INO80D: variants seen among roughly 807,000 people sequenced by gnomAD.
INO80D encodes the protein INO80 complex subunit D.
A neutral mutation model predicts 87.6 loss-of-function variants in INO80D; 21 were observed. That is an observed-to-expected ratio of 0.24 (90% CI 0.17 to 0.35). INO80D has a LOEUF of 0.35. Ranked by LOEUF, INO80D falls within the 10% of genes least tolerant of loss-of-function variation. The pLI is 1.00. For missense variants in INO80D, 982 were observed against 1,280.7 expected (o/e 0.77, Z 3.56); for synonymous variants, 440 against 491.0 (o/e 0.90, Z 1.37).
chr2:206,044,986 A>G (rs751928081), intron 5 of INO80D, among the ~76,000 whole-genome samples: 2 of 152,220 alleles, frequency 1.3e-5, no homozygotes, highest in African/African-American at 2.4e-5. Flanking sequence ...TGAATGACAT[A>G]TAAAATGGAA....
intron 8 of INO80D, among the ~76,000 whole-genome samples, chr2:206,013,659 T>C (rs1401161636): frequency 6.6e-6 from 1 of 151,996 alleles, no homozygotes; most frequent in African/African-American, 2.4e-5. Flanking sequence ...TTCCTCAGTA[T>C]CTTAGAAGTA....
chr2:206,036,897 GAC>G (rs1251662343), intron 5 of INO80D, among the ~76,000 whole-genome samples: 11 of 152,220 alleles, frequency 7.2e-5, no homozygotes, highest in African/African-American at 2.6e-4. Flanking sequence ...TTTGCAGACT[GAC>G]ACAGGTCCAC....
intron 5 of INO80D, among the ~76,000 whole-genome samples, chr2:206,033,205 TTAAAG>T (rs1446497773): frequency 2.0e-5 from 3 of 151,896 alleles, no homozygotes; most frequent in Non-Finnish European, 4.4e-5. Flanking sequence ...AAAACAAACT[TTAAAG>T]TAACAGCAGT....
intron 8 of INO80D, among the ~76,000 whole-genome samples, chr2:206,010,059 G>A (rs534985675): frequency 8.4e-6 from 1 of 118,494 alleles, no homozygotes; most frequent in South Asian, 2.5e-4. Context: ...AGTTGACACT[G>A]TCTACACACA....
chr2:206,061,485 C>G (rs148016615), intron 3 of INO80D, among the ~76,000 whole-genome samples: 1 of 152,138 alleles, frequency 6.6e-6, no homozygotes, highest in African/African-American at 2.4e-5. Context: ...TAAAAAAAGG[C>G]AGGGTAAGAA....
chr2:206,056,491 G>C lies in INO80D; in HGVS notation c.671C>G (p.Pro224Arg). 6.2e-7 allele frequency: 1 copy of C among 1,613,880 alleles called. No individual in the cohort carries two copies. The highest frequency in any genetic ancestry group is 8.5e-7 in the Non-Finnish European group (1 of 1,179,854). ...TGACTTGCAGACTGAACCCTGCGGT[G>C]GCGCTGGAGGTTTTAAAGAAGTAGA... Reference protein sequence around the residue: ...PLSTSLKPPAPPQGSVCKSPQ... With the variant: ...PLSTSLKPPARPQGSVCKSPQ... The change falls in exon 4 of 11, where the codon CCA becomes CGA. Residue 224 changes from proline (P) to arginine (R), a missense_variant. Coordinates refer to ENST00000403263, the MANE Select transcript of INO80D (RefSeq NM_017759.5).
rs757981222 is a variant in INO80D, at chr2:206,056,395, C to T, written c.767G>A (p.Arg256Gln). 1.1e-5 allele frequency: 18 copies of T among 1,613,572 alleles called. No individual in the cohort carries two copies. Among genetic ancestry groups the T allele is most frequent in the East Asian group, 4.5e-5 (2 of 44,888 alleles). Residue 256 changes from arginine (R) to glutamine (Q), a missense_variant, in exon 4 of 11, where the codon CGG becomes CAG. Coordinates refer to ENST00000403263, the MANE Select transcript of INO80D (RefSeq NM_017759.5). The part of the protein sequence containing the change: ...APTTHTIAQA[R>Q]QLSHKRPLPL... ...CAGAGGCCTCTTGTGAGACAACTGC[C>T]GTGCTTGTGCTATAGTGTGTGTGGT...
Position 206,085,247 on chromosome 2 carries a change from C to T in INO80D, c.-124+654G>A, listed in dbSNP as rs1171942509. ...CCACCCGACCCCACGCCCGCCAGGC[C>T]GCCCGCCCCGCCCCGCCCCGGCCTG... On this transcript the variant is annotated intron_variant, in intron 1 of 10. Transcript: ENST00000403263. This position sits in a 1 kb window ranked among gnomAD's most constrained non-coding sequence, Gnocchi z 4.5. 6.6e-6 allele frequency among the ~76,000 whole-genome samples: 1 copy of T among 151,988 alleles called. No individual in the cohort carries two copies. The highest frequency in any genetic ancestry group is 2.4e-5 in the African/African-American group (1 of 41,426).
At chr2:206,035,994 T>TTGCAAATTTGATTTGCAGGGAAA (rs1467119847) in intron 5 of INO80D, among the ~76,000 whole-genome samples, 3 of 152,024 alleles carry the variant, frequency 2.0e-5, no homozygotes, top group Admixed American at 6.6e-5. Flanking sequence ...ACATCACTAA[T>TTGCAAATTTGATTTGCAGGGAAA]TGCAAATTTG....
At position 206,056,230 on chromosome 2, in the gene INO80D, T is replaced by C. The variant is rs772096388; in HGVS notation, c.932A>G (p.His311Arg). The stretch of plus-strand genomic sequence containing the variant: ...GGGAAACAGATCAGTGTCCAACTGA[T>C]GTTTCTGGGTGCACAGTTTCACCAG... ...QRLVKLCTQK[H>R]QLDTDLFPHL... The change falls in exon 4 of 11, where the codon CAT (histidine) becomes CGT (arginine). Residue 311 changes from histidine (H) to arginine (R), a missense_variant. By Grantham distance (29) the His-to-Arg change is conservative. Transcript: ENST00000403263. 30 of 1,603,362 alleles carry C rather than the reference T, an allele frequency of 1.9e-5. 1 individual carries two copies. In the Admixed American group the frequency reaches 2.6e-4, roughly 14 times the overall value.
chr2:206,007,169 A>G (rs1688048945), intron 10 of INO80D, 115 bp downstream of exon 10: 3 of 844,742 alleles, frequency 3.6e-6, no homozygotes, highest in South Asian at 1.7e-5. Context: ...TCCTATCTAC[A>G]GTGAAAGACA....
chr2:206,053,149 G>A (rs995063802), intron 4 of INO80D, among the ~76,000 whole-genome samples: 9 of 151,580 alleles, frequency 5.9e-5, no homozygotes, highest in Non-Finnish European at 1.0e-4. Flanking sequence ...GCTTGGAATC[G>A]GCAATTCCAC....
intron 5 of INO80D, among the ~76,000 whole-genome samples, chr2:206,030,457 T>C (rs1220927845): frequency 7.5e-6 from 1 of 133,884 alleles, no homozygotes; most frequent in African/African-American, 2.6e-5. Context: ...AGCAAGACTT[T>C]GTCTCAAAAA....
intron 4 of INO80D, among the ~76,000 whole-genome samples, chr2:206,055,571 A>C (rs1356735961): frequency 2.0e-5 from 3 of 152,230 alleles, no homozygotes; most frequent in Non-Finnish European, 4.4e-5. Context: ...TCATAAAAGC[A>C]TACAACCAAA....
At chr2:206,066,667 T>A (rs1559461993) in intron 1 of INO80D, among the ~76,000 whole-genome samples, 1 of 151,784 alleles carries the variant, frequency 6.6e-6, no homozygotes. Flanking sequence ...TAGTTCAGTG[T>A]GGTGGCACAC....
At chr2:206,078,954 A>C (rs992858999) in intron 1 of INO80D, among the ~76,000 whole-genome samples, 1 of 152,216 alleles carries the variant, frequency 6.6e-6, no homozygotes, top group African/African-American at 2.4e-5. Context: ...AAAGAAAAGA[A>C]AAAGACATGT....
chr2:206,028,476 G>A lies in INO80D; in HGVS notation c.1074-141C>T, dbSNP rs555029125. 3 of 598,130 alleles carry A rather than the reference G, an allele frequency of 5.0e-6. No homozygotes were observed. In the African/African-American group the frequency reaches 5.5e-5, roughly 11 times the overall value. 37.1% of individuals were successfully genotyped at this position (598,130 alleles called of 1,614,324 possible). ...TGTGAGCACATACTTCACACAATTA[G>A]AGTAAGAGAATTCCAACAGAGCTGA... On this transcript the variant is annotated intron_variant, in intron 5 of 10. Transcript: ENST00000403263.
chr2:206,016,215 C>G (rs1262889756), intron 8 of INO80D, among the ~76,000 whole-genome samples: 1 of 152,214 alleles, frequency 6.6e-6, no homozygotes, highest in African/African-American at 2.4e-5. Context: ...TTATGGGAAC[C>G]TATGTTTTGC....
At position 206,003,977 on chromosome 2, in the gene INO80D, C is replaced by A; in HGVS notation, c.*391G>T. ...AACTCAATTAATAAGATCATTCTAT[C>A]TAGAACCACCTATGTAAAAACCTGG... On this transcript the variant is annotated 3_prime_UTR_variant, in exon 11 of 11. Transcript: ENST00000403263. 4.4e-6 allele frequency: 1 copy of A among 228,406 alleles called. No homozygotes were observed. The allele number at this position is 228,406 out of a possible 1,614,324, so 14.1% of individuals were successfully genotyped here.
Sources: gnomAD v4.1 joint callset for allele counts (sites outside exome capture counted in the v4.1 genomes callset) on GRCh38, gnomAD v4.1.1 for gene constraint, Gnocchi (gnomAD v3.1) non-coding constraint, MANE v1.5 for transcripts, NCBI Gene and HGNC (gene_info 2026-07-23, HGNC 2026-07-21) for gene names.